KLHDC10: variants seen among roughly 807,000 people sequenced by gnomAD.
KLHDC10 encodes the protein kelch domain containing 10.
A neutral mutation model predicts 56.1 loss-of-function variants in KLHDC10; 24 were observed. The observed-to-expected ratio is 0.43, with a 90% CI of 0.31 to 0.60. The LOEUF (loss-of-function observed/expected upper bound fraction) is 0.60. Among genes scored for constraint, KLHDC10 ranks in the 20% least tolerant of loss-of-function variants. The pLI is 0.11. For missense variants in KLHDC10, 349 were observed against 567.0 expected, an observed-to-expected ratio of 0.62 and a Z score of 3.91; for synonymous variants, 188 against 207.1, an observed-to-expected ratio of 0.91 and a Z score of 0.79.
At chr7:130,073,552 T>G (rs1167348369) in intron 1 of KLHDC10, among the ~76,000 whole-genome samples, 3 of 152,260 alleles carry the variant, frequency 2.0e-5, no homozygotes, top group South Asian at 2.1e-4. Context: ...CGCCTCAGCC[T>G]CCCGAAGTGC....
intron 2 of KLHDC10, among the ~76,000 whole-genome samples, chr7:130,103,313 C>A (rs1795960323): frequency 6.6e-6 from 1 of 151,512 alleles, no homozygotes; most frequent in Non-Finnish European, 1.5e-5. Flanking sequence ...GTAATCCCCG[C>A]TACTCGGGAG....
In KLHDC10 at chr7:130,070,648, C is replaced by G; in HGVS notation, c.5C>G (p.Ser2Trp). M[S>W]AAQGWDRNRR... ...TGCGGCAATCGTTAGCGGGTCATGT[C>G]GGCCGCCCAGGGCTGGGACAGGAAC... Residue 2 changes from serine to tryptophan, a missense_variant, in exon 1 of 10, where the codon TCG becomes TGG. Coordinates refer to ENST00000335420, the MANE Select transcript of KLHDC10 (RefSeq NM_014997.4). The G allele has an allele frequency of 7.6e-7, 1 of 1,314,186 alleles. No homozygotes were observed. Among genetic ancestry groups the G allele is most frequent in the Non-Finnish European group, 9.7e-7 (1 of 1,026,710 alleles). 81.4% of individuals were successfully genotyped at this position (1,314,186 alleles called of 1,614,324 possible). A position where few individuals can be genotyped will look rare whatever the true frequency, so the allele number is the denominator to read the frequency against.
rs1796175402 is a variant in KLHDC10, at chr7:130,116,865, G to A, written c.475+199G>A. On this transcript the variant is annotated intron_variant, in intron 3 of 9. Transcript: ENST00000335420. The surrounding 1 kb of genome is among the most constrained non-coding windows in gnomAD (Gnocchi z 4.8). ...TGAGTTTGAATTCAGCTTGTCAGGT[G>A]AGTTTTAGCTTTAATTTCCTAACTT... 6.6e-6 allele frequency among the ~76,000 whole-genome samples: 1 copy of A among 152,174 alleles called. No individual in the cohort carries two copies. The highest frequency in any genetic ancestry group is 1.5e-5 in the Non-Finnish European group (1 of 68,034).
rs750543400 is a variant in KLHDC10, at chr7:130,116,835, G to A, written c.475+169G>A. Among the ~76,000 whole-genome samples the A allele has an allele frequency of 6.6e-6, 1 of 152,054 alleles. No individual in the cohort carries two copies. Among genetic ancestry groups the A allele is most frequent in the Non-Finnish European group, 1.5e-5 (1 of 68,020 alleles). The stretch of plus-strand genomic sequence containing the variant: ...CAGTATGGTGATTCCAAATTATTTG[G>A]GTCCTGAGTTTGAATTCAGCTTGTC... On this transcript the variant is annotated intron_variant, in intron 3 of 9. Transcript: ENST00000335420. This position sits in a 1 kb window ranked among gnomAD's most constrained non-coding sequence, Gnocchi z 4.8.
chr7:130,073,496 A>G (rs1584614669), intron 1 of KLHDC10, among the ~76,000 whole-genome samples: 1 of 151,646 alleles, frequency 6.6e-6, no homozygotes, highest in African/African-American at 2.4e-5. Context: ...GGTTTTTGCC[A>G]TGTTGGCCAG....
intron 9 of KLHDC10, among the ~76,000 whole-genome samples, 195 bp downstream of exon 9, chr7:130,129,771 A>C (rs1796371072): frequency 6.6e-6 from 1 of 152,190 alleles, no homozygotes; most frequent in African/African-American, 2.4e-5. Flanking sequence ...ATTTGAGAGA[A>C]TAACATAAAT....
intron 2 of KLHDC10, among the ~76,000 whole-genome samples, chr7:130,098,761 A>G (rs1350449096): frequency 6.6e-6 from 1 of 152,198 alleles, no homozygotes; most frequent in Non-Finnish European, 1.5e-5. Context: ...TAATAATGAT[A>G]TAAAACACAT....
chr7:130,125,049 A>G (rs1796296836), intron 6 of KLHDC10, among the ~76,000 whole-genome samples: 1 of 152,004 alleles, frequency 6.6e-6, no homozygotes. Context: ...ACTGCTTGGA[A>G]CCTTAATGGT....
At chr7:130,125,227 T>C (rs1796298644) in intron 6 of KLHDC10, among the ~76,000 whole-genome samples, 1 of 152,222 alleles carries the variant, frequency 6.6e-6, no homozygotes, top group Admixed American at 6.5e-5. Flanking sequence ...TCCAACCTTT[T>C]TCTTCGTTTT....
chr7:130,129,596 T>G lies in KLHDC10; in HGVS notation c.1119+20T>G, dbSNP rs376031993. ...ACACCAGTAAGTTTTTATTTTCATA[T>G]CTTCCTTATGTAGTTACAGATGATA... On this transcript the variant is annotated intron_variant, in intron 9 of 9. Transcript: ENST00000335420. 1.2e-6 allele frequency: 2 copies of G among 1,608,946 alleles called. No individual in the cohort carries two copies. The highest frequency in any genetic ancestry group is 2.7e-5 in the African/African-American group (2 of 74,532).
At chr7:130,102,955 G>T (rs187462297) in intron 2 of KLHDC10, among the ~76,000 whole-genome samples, 9 of 152,284 alleles carry the variant, frequency 5.9e-5, no homozygotes, top group Admixed American at 2.0e-4. Flanking sequence ...ATACACTTAA[G>T]ACTAGTTACT....
At chr7:130,089,996 C>G (rs1795749032) in intron 1 of KLHDC10, among the ~76,000 whole-genome samples, 1 of 152,048 alleles carries the variant, frequency 6.6e-6, no homozygotes, top group Non-Finnish European at 1.5e-5. Context: ...ATTCTCCTGC[C>G]TCAGCCTCCC....
At chr7:130,092,393 G>T (rs1416509975) in intron 1 of KLHDC10, among the ~76,000 whole-genome samples, 1 of 152,116 alleles carries the variant, frequency 6.6e-6, no homozygotes, top group Non-Finnish European at 1.5e-5. Flanking sequence ...ACTTCTTCAT[G>T]CTTGGGCCTT....
intron 1 of KLHDC10, among the ~76,000 whole-genome samples, chr7:130,095,439 T>C (rs1272734074): frequency 6.6e-6 from 1 of 152,200 alleles, no homozygotes; most frequent in Non-Finnish European, 1.5e-5. Flanking sequence ...TATTGCCTTG[T>C]CCATATTTTT....
In KLHDC10 at chr7:130,070,778, C is replaced by T. The variant is rs1795396297; in HGVS notation, c.135C>T (p.Phe45=). ...GGRGTGQLNR[F]VQLSGRPHLP... ...GGGGGACTGGCCAGCTCAACCGCTTCGTGCAACTCTCCGGGCGGCCGCACC... is the reference window on the plus strand; with the variant it reads ...GGGGGACTGGCCAGCTCAACCGCTTTGTGCAACTCTCCGGGCGGCCGCACC... The change falls in exon 1 of 10, where the codon TTC becomes TTT. Residue 45 remains phenylalanine (F), a synonymous_variant. Coordinates refer to ENST00000335420, the MANE Select transcript of KLHDC10 (RefSeq NM_014997.4). The T allele has an allele frequency of 1.5e-6, 2 of 1,307,036 alleles. No homozygotes were observed. Among genetic ancestry groups the T allele is most frequent in the Middle Eastern group, 2.9e-4 (1 of 3,484 alleles). 81.0% of individuals were successfully genotyped at this position (1,307,036 alleles called of 1,614,324 possible).
At chr7:130,087,087 T>C (rs1274565495) in intron 1 of KLHDC10, among the ~76,000 whole-genome samples, 1 of 152,224 alleles carries the variant, frequency 6.6e-6, no homozygotes, top group Non-Finnish European at 1.5e-5. Flanking sequence ...GACATACAGC[T>C]AGCAAGGGAC....
At chr7:130,104,230 C>A (rs1031161693) in intron 2 of KLHDC10, among the ~76,000 whole-genome samples, 2 of 152,162 alleles carry the variant, frequency 1.3e-5, no homozygotes, top group African/African-American at 4.8e-5. Flanking sequence ...CTTGCTGTCT[C>A]AGGAGTGGCA....
At chr7:130,108,285 C>G (rs565681255) in intron 2 of KLHDC10, among the ~76,000 whole-genome samples, 3 of 151,960 alleles carry the variant, frequency 2.0e-5, no homozygotes, top group South Asian at 2.1e-4. Flanking sequence ...GAATAAATGG[C>G]TAGGGATTAT....
intron 8 of KLHDC10, among the ~76,000 whole-genome samples, chr7:130,128,889 A>AAATATATATATATATATATAT: frequency 1.5e-5 from 1 of 66,954 alleles, no homozygotes; most frequent in African/African-American, 7.3e-5. Context: ...AAAAAAAAAA[A>AAATATATATATATATATATAT]ATATATATAT....
Sources: allele counts gnomAD v4.1 joint callset (sites outside exome capture counted in the v4.1 genomes callset), GRCh38; gene constraint gnomAD v4.1.1; non-coding constraint Gnocchi (gnomAD v3.1); transcripts MANE v1.5; gene names NCBI Gene and HGNC (gene_info 2026-07-23, HGNC 2026-07-21).